NINJ2: variants seen among roughly 807,000 people sequenced by gnomAD.
NINJ2 encodes the protein ninjurin 2, also known as ninjurin-2.
A neutral mutation model predicts 11.7 loss-of-function variants in NINJ2; 12 were observed. The observed-to-expected ratio is 1.02, with a 90% CI of 0.66 to 1.66. The LOEUF (loss-of-function observed/expected upper bound fraction) is 1.66, where lower values mean the gene tolerates loss of function less well. Ranked by LOEUF, NINJ2 falls within the 40% of genes most tolerant of loss-of-function variation. The pLI is 0.00. For synonymous variants in NINJ2, 93 were observed against 76.8 expected (o/e 1.21, Z -1.10); for missense variants, 187 against 181.8 (o/e 1.03, Z -0.16).
At position 589,183 on chromosome 12, in the gene NINJ2, C is replaced by T. The variant is rs148480594; in HGVS notation, c.34-23005G>A. Among the ~76,000 whole-genome samples the T allele has an allele frequency of 7.9e-4, 121 of 152,228 alleles. 1 individual carries two copies. The Middle Eastern group carries it at 0.014, about 17-fold the overall frequency. On this transcript the variant is annotated intron_variant, in intron 1 of 3. Transcript: ENST00000305108. ...TGGGCTAAATAAGCTGGCCTACAAC[C>T]ACACAATTAAATACTACATGTGTCT...
At chr12:642,468 T>A (rs574049218) in intron 1 of NINJ2, among the ~76,000 whole-genome samples, 1 of 152,020 alleles carries the variant, frequency 6.6e-6, no homozygotes, top group Non-Finnish European at 1.5e-5. Flanking sequence ...TGACCTCAGG[T>A]CCCCCCGCCT....
chr12:644,358 G>A (rs1397492579), intron 1 of NINJ2: 1 of 152,146 alleles, frequency 6.6e-6, no homozygotes. Context: ...GTATAGAAAG[G>A]CTTTGGTGTA....
At chr12:601,705 AAT>A (rs1286319873) in intron 1 of NINJ2, among the ~76,000 whole-genome samples, 9 of 151,462 alleles carry the variant, frequency 5.9e-5, no homozygotes, top group Admixed American at 5.9e-4. Flanking sequence ...CTCTACTAAA[AAT>A]ACAAAAAAAT....
At chr12:617,075 G>A (rs575500304) in intron 1 of NINJ2, among the ~76,000 whole-genome samples, 1 of 152,122 alleles carries the variant, frequency 6.6e-6, no homozygotes, top group African/African-American at 2.4e-5. Flanking sequence ...ACGTGGTGGC[G>A]CACACCTGTA....
At chr12:570,386 A>G (rs1469345200) in intron 1 of NINJ2, among the ~76,000 whole-genome samples, 2 of 152,126 alleles carry the variant, frequency 1.3e-5, no homozygotes, top group Non-Finnish European at 2.9e-5. Flanking sequence ...CCTCCCTTCT[A>G]GCGGGAGGAG....
intron 1 of NINJ2, among the ~76,000 whole-genome samples, chr12:569,820 G>T (rs973824645): frequency 6.6e-6 from 1 of 152,246 alleles, no homozygotes; most frequent in African/African-American, 2.4e-5. Context: ...TGCTTAGGGG[G>T]TGCGCCTCAT....
chr12:566,251 G>A, intron 1 of NINJ2, 73 bp from the exon 2 acceptor site: 2 of 1,279,616 alleles, frequency 1.6e-6, no homozygotes, highest in Non-Finnish European at 2.2e-6. Context: ...GGAGAGAGGA[G>A]AGAGGTTTTA....
At chr12:636,077 AAAATAAAT>A (rs779073007) in intron 1 of NINJ2, among the ~76,000 whole-genome samples, 1 of 151,482 alleles carries the variant, frequency 6.6e-6, no homozygotes, top group African/African-American at 2.4e-5. Flanking sequence ...ACTCTGTATA[AAAATAAAT>A]AAATAAATAG....
chr12:644,742 A>G (rs1937649523), intron 1 of NINJ2: 2 of 152,246 alleles, frequency 1.3e-5, no homozygotes, highest in Non-Finnish European at 2.9e-5. Context: ...AATAATTCCA[A>G]AATTCAAATC....
rs1226656803 is a variant in NINJ2 at position 581,274 on chromosome 12, C to A, written c.34-15096G>T. Among the ~76,000 whole-genome samples the A allele has an allele frequency of 2.0e-5, 3 of 152,108 alleles. No individual in the cohort carries two copies. Among genetic ancestry groups the A allele is most frequent in the African/African-American group, 4.8e-5 (2 of 41,412 alleles). The stretch of plus-strand genomic sequence containing the variant: ...GCCATAGACCTGTAGATGAGACAGG[C>A]TACAGACAAGGCAGGGATACTGGTG... On this transcript the variant is annotated intron_variant, in intron 1 of 3. Coordinates refer to ENST00000305108, the MANE Select transcript of NINJ2 (RefSeq NM_016533.6). This position sits in a 1 kb window ranked among gnomAD's most constrained non-coding sequence, Gnocchi z 4.9.
chr12:609,944 T>TAAA (rs60084425), intron 1 of NINJ2, among the ~76,000 whole-genome samples: 39 of 126,878 alleles, frequency 3.1e-4, no homozygotes, highest in African/African-American at 9.8e-4. Flanking sequence ...GACCCTGTCT[T>TAAA]AAAAAAAAAA....
chr12:593,704 A>T (rs1947745864), intron 1 of NINJ2, among the ~76,000 whole-genome samples: 1 of 151,892 alleles, frequency 6.6e-6, no homozygotes, highest in Non-Finnish European at 1.5e-5. Flanking sequence ...ACAGAGTGAG[A>T]CCCTGTCTCA....
At chr12:622,467 G>C (rs1457229524) in intron 1 of NINJ2, among the ~76,000 whole-genome samples, 1 of 144,212 alleles carries the variant, frequency 6.9e-6, no homozygotes, top group Non-Finnish European at 1.5e-5. Context: ...TACCTAAAGA[G>C]AGGAAGACAA....
At chr12:586,769 C>T (rs1419778949) in intron 1 of NINJ2, among the ~76,000 whole-genome samples, 1 of 152,248 alleles carries the variant, frequency 6.6e-6, no homozygotes, top group Non-Finnish European at 1.5e-5. Flanking sequence ...CTTTCCCCAA[C>T]AGCCAGGTGC....
intron 1 of NINJ2, among the ~76,000 whole-genome samples, chr12:618,381 G>T (rs1371540407): frequency 6.6e-6 from 1 of 150,446 alleles, no homozygotes; most frequent in South Asian, 2.1e-4. Context: ...TGGGGGTGAG[G>T]GGGGAGTGTT....
chr12:616,604 C>T (rs1024771638), intron 1 of NINJ2, among the ~76,000 whole-genome samples: 2 of 152,182 alleles, frequency 1.3e-5, no homozygotes, highest in African/African-American at 4.8e-5. Flanking sequence ...ACCCCATTCC[C>T]CCTCCAAATA....
At chr12:568,882 C>G (rs1003994894) in intron 1 of NINJ2, among the ~76,000 whole-genome samples, 2 of 121,522 alleles carry the variant, frequency 1.6e-5, no homozygotes, top group South Asian at 3.1e-4. Flanking sequence ...GGACACCCCC[C>G]CCCCCCCGCC....
intron 1 of NINJ2, among the ~76,000 whole-genome samples, chr12:646,431 C>T (rs1001365608): frequency 6.6e-6 from 1 of 152,160 alleles, no homozygotes; most frequent in South Asian, 2.1e-4. Context: ...TTGCAGCAAC[C>T]GGGTTAGGTC....
chr12:656,066 T>C (rs1171188081), intron 1 of NINJ2, among the ~76,000 whole-genome samples: 3 of 152,076 alleles, frequency 2.0e-5, no homozygotes, highest in East Asian at 2.0e-4. Flanking sequence ...TTAGTTTATA[T>C]AGAGAAGCAA....
Sources: allele counts gnomAD v4.1 joint callset (sites outside exome capture counted in the v4.1 genomes callset), GRCh38; gene constraint gnomAD v4.1.1; non-coding constraint Gnocchi (gnomAD v3.1); transcripts MANE v1.5; gene names NCBI Gene and HGNC (gene_info 2026-07-23, HGNC 2026-07-21).